RBFOX2: variants seen among roughly 807,000 people sequenced by gnomAD.
RBFOX2 encodes RNA binding fox-1 homolog 2.
RBFOX2 carries 10 observed loss-of-function variants against 49.1 expected under a neutral mutation model. The observed-to-expected ratio is 0.20, with a 90% CI of 0.13 to 0.35. The LOEUF is 0.35. Among genes scored for constraint, RBFOX2 ranks in the 10% least tolerant of loss-of-function variants. The pLI is 1.00. For missense variants in RBFOX2, 323 were observed against 486.9 expected (o/e 0.66, Z 3.17); for synonymous variants, 183 against 187.4 (o/e 0.98, Z 0.19).
At chr22:35,804,836 G>C (rs1383663591) in intron 2 of RBFOX2, among the ~76,000 whole-genome samples, 1 of 151,940 alleles carries the variant, frequency 6.6e-6, no homozygotes, top group East Asian at 1.9e-4. Flanking sequence ...ACTAAAAATA[G>C]TCAAAAAATA....
intron 1 of RBFOX2, among the ~76,000 whole-genome samples, chr22:35,915,460 G>C (rs1484076304): frequency 6.6e-6 from 1 of 152,112 alleles, no homozygotes; most frequent in East Asian, 1.9e-4. Flanking sequence ...CCATTTCAAA[G>C]CTATGTACAA....
At chr22:35,971,912 T>TA (rs527896726) in intron 1 of RBFOX2, among the ~76,000 whole-genome samples, 3,875 of 56,586 alleles carry the variant, frequency 0.068, 371 homozygotes, top group African/African-American at 0.09. Flanking sequence ...TTTTTCTCCC[T>TA]AAAAAAAAAA....
At chr22:35,961,652 GCA>G (rs2056222381) in exon 1 of RBFOX2, 1 of 1,303,692 alleles carries the variant, frequency 7.7e-7, no homozygotes, top group Non-Finnish European at 1.0e-6. Context: ...CTCTCCCCTT[GCA>G]CACAGCTACC....
chr22:35,840,624 G>A (rs946130484), upstream of RBFOX2: 25 of 1,080,650 alleles, frequency 2.3e-5, no homozygotes, highest in Non-Finnish European at 2.8e-5. Context: ...GCGTGTGTGC[G>A]TGTGTGCGTG....
chr22:35,964,412 C>T (rs2056438628), upstream of RBFOX2, among the ~76,000 whole-genome samples: 1 of 152,162 alleles, frequency 6.6e-6, no homozygotes, highest in African/African-American at 2.4e-5. Context: ...AACTTCTGGA[C>T]AAACGGCAAT....
At chr22:35,775,841 C>CAAAAAAAA (rs753116056) in intron 4 of RBFOX2, among the ~76,000 whole-genome samples, 2,717 of 55,842 alleles carry the variant, frequency 0.049, 149 homozygotes, top group African/African-American at 0.093. Flanking sequence ...GAATCTGCCT[C>CAAAAAAAA]AAAAAAAAAA....
chr22:35,866,929 C>T (rs983316720), intron 1 of RBFOX2, among the ~76,000 whole-genome samples: 5 of 152,142 alleles, frequency 3.3e-5, no homozygotes, highest in Non-Finnish European at 7.4e-5. Flanking sequence ...AATTAGAGAG[C>T]CCTTGGAGCC....
At chr22:36,012,541 C>CTGCACTCCAGCCTGAGTGA (rs879575254) in intron 1 of RBFOX2, among the ~76,000 whole-genome samples, 143 of 152,200 alleles carry the variant, frequency 9.4e-4, no homozygotes, top group Non-Finnish European at 1.1e-3. Flanking sequence ...GATCCCACCA[C>CTGCACTCCAGCCTGAGTGA]TGCACTCCAG....
At chr22:35,911,964 A>T (rs528420069) in intron 1 of RBFOX2, among the ~76,000 whole-genome samples, 1 of 152,206 alleles carries the variant, frequency 6.6e-6, no homozygotes, top group Non-Finnish European at 1.5e-5. Context: ...TTAATCTTAA[A>T]TACATACTTC....
chr22:35,961,624 G>T, exon 1 of RBFOX2: 2 of 1,303,892 alleles, frequency 1.5e-6, no homozygotes, highest in South Asian at 2.5e-5. Flanking sequence ...TTCCTTCCTG[G>T]AATTCTAAAC....
intron 1 of RBFOX2, among the ~76,000 whole-genome samples, chr22:36,006,996 C>T (rs2058643042): frequency 6.6e-6 from 1 of 152,170 alleles, no homozygotes; most frequent in Non-Finnish European, 1.5e-5. Flanking sequence ...ATCCAAGTAA[C>T]CCATGGGTGC....
At position 35,840,108 on chromosome 22, in the gene RBFOX2, T is replaced by C; in HGVS notation, c.27+84A>G. On this transcript the variant is annotated intron_variant, in intron 1 of 11. Transcript: ENST00000405409. ...CTAAGAAGACAATAATGATTAAAACTCTTCTTACTATACTCCACCCTCAAA... is the reference window on the plus strand; with the variant it reads ...CTAAGAAGACAATAATGATTAAAACCCTTCTTACTATACTCCACCCTCAAA... 2.0e-6 allele frequency: 3 copies of C among 1,529,250 alleles called. No homozygotes were observed. The Admixed American group carries it at 5.0e-5, about 26-fold the overall frequency. The allele number at this position is 1,529,250 out of a possible 1,614,324, so 94.7% of individuals were successfully genotyped here.
intron 1 of RBFOX2, among the ~76,000 whole-genome samples, chr22:35,811,352 A>C (rs1404294006): frequency 6.6e-6 from 1 of 152,134 alleles, no homozygotes; most frequent in Non-Finnish European, 1.5e-5. Context: ...AAGTGATGTC[A>C]TGAGGGTGGG....
intron 1 of RBFOX2, among the ~76,000 whole-genome samples, chr22:36,027,888 G>A (rs1408951175): frequency 6.6e-6 from 1 of 152,028 alleles, no homozygotes; most frequent in African/African-American, 2.4e-5. Context: ...CCTCGACTCA[G>A]TCCAGAGAAG....
chr22:35,837,203 CA>C (rs1957831299), intron 1 of RBFOX2, among the ~76,000 whole-genome samples: 1 of 152,094 alleles, frequency 6.6e-6, no homozygotes, highest in Non-Finnish European at 1.5e-5. Context: ...ATACACTGTG[CA>C]AATACTGACA....
chr22:35,923,068 C>T (rs2051205369), intron 1 of RBFOX2, among the ~76,000 whole-genome samples: 1 of 152,232 alleles, frequency 6.6e-6, no homozygotes, highest in Non-Finnish European at 1.5e-5. Flanking sequence ...CTGCCTAACA[C>T]ACTCCCCTTG....
chr22:35,870,420 C>T (rs1212387582), intron 1 of RBFOX2, among the ~76,000 whole-genome samples: 2 of 151,952 alleles, frequency 1.3e-5, no homozygotes, highest in African/African-American at 4.8e-5. Flanking sequence ...TGCAGTGAGC[C>T]GAGATTGCAC....
At chr22:35,947,431 A>G (rs1405620928) in intron 1 of RBFOX2, among the ~76,000 whole-genome samples, 1 of 151,526 alleles carries the variant, frequency 6.6e-6, no homozygotes, top group Non-Finnish European at 1.5e-5. Context: ...TTTTCATTAG[A>G]GTGTGCTCCT....
intron 3 of RBFOX2, 83 bp downstream of exon 4, chr22:35,781,516 TA>T: frequency 6.7e-7 from 1 of 1,495,778 alleles, no homozygotes; most frequent in Non-Finnish European, 9.1e-7. Flanking sequence ...AGTTTAATCC[TA>T]AAGTAATAAT....
Sources: allele counts gnomAD v4.1 joint callset (sites outside exome capture counted in the v4.1 genomes callset), GRCh38; gene constraint gnomAD v4.1.1; transcripts MANE v1.5; gene names NCBI Gene and HGNC (gene_info 2026-07-23, HGNC 2026-07-21).